The following ATP13A4 variants were observed in gnomAD, a reference collection of about 807,000 sequenced individuals.
The protein encoded by ATP13A4 is probable cation-transporting ATPase 13A4.
ATP13A4 carries 114 observed loss-of-function variants against 142.5 expected under a neutral mutation model. The observed-to-expected ratio is 0.80, with a 90% CI of 0.69 to 0.93. The LOEUF is 0.93. Among genes scored for constraint, ATP13A4 ranks in the 40% least tolerant of loss-of-function variants. The pLI, the probability that ATP13A4 is intolerant of heterozygous loss-of-function variation, is 0.00. For synonymous variants in ATP13A4, 488 were observed against 514.8 expected, an observed-to-expected ratio of 0.95 and a Z score of 0.70; for missense variants, 1,392 against 1,454.0, an observed-to-expected ratio of 0.96 and a Z score of 0.69.
At chr3:193,482,451 A>T (rs948728083) in intron 8 of ATP13A4, among the ~76,000 whole-genome samples, 1 of 152,222 alleles carries the variant, frequency 6.6e-6, no homozygotes, top group Non-Finnish European at 1.5e-5. Context: ...CTGCTCTTTG[A>T]AAAACACTGT....
At chr3:193,444,441 A>T (rs1489931) in intron 18 of ATP13A4, among the ~76,000 whole-genome samples, 1 of 152,194 alleles carries the variant, frequency 6.6e-6, no homozygotes, top group African/African-American at 2.4e-5. Flanking sequence ...CAACAACAAA[A>T]GCTACAGGGT....
At chr3:193,431,837 C>T (rs1463048063) in intron 25 of ATP13A4, among the ~76,000 whole-genome samples, 1 of 151,522 alleles carries the variant, frequency 6.6e-6, no homozygotes, top group Non-Finnish European at 1.5e-5. Context: ...TGGGGAGCAA[C>T]ATGTTAAACA....
chr3:193,514,162 T>C (rs1285098816), intron 2 of ATP13A4, among the ~76,000 whole-genome samples: 1 of 152,194 alleles, frequency 6.6e-6, no homozygotes, highest in Admixed American at 6.5e-5. Flanking sequence ...GGGGGTTTGT[T>C]GTATAGATTA....
intron 1 of ATP13A4, among the ~76,000 whole-genome samples, chr3:193,587,809 T>C (rs927256684): frequency 6.6e-6 from 1 of 152,010 alleles, no homozygotes; most frequent in Admixed American, 6.6e-5. Context: ...ATACAAAAAG[T>C]ATAAAAATTG....
At chr3:193,498,195 A>C (rs562751932) in intron 3 of ATP13A4, among the ~76,000 whole-genome samples, 1 of 152,314 alleles carries the variant, frequency 6.6e-6, no homozygotes, top group South Asian at 2.1e-4. Flanking sequence ...AATATGTACA[A>C]TTATTATTTG....
chr3:193,504,697 T>C (rs538743396), intron 2 of ATP13A4, among the ~76,000 whole-genome samples: 8 of 152,260 alleles, frequency 5.3e-5, no homozygotes, highest in Admixed American at 2.0e-4. Flanking sequence ...GAGCCTGAAC[T>C]GGAACTTCTA....
chr3:193,449,683 C>T (rs1435892834), intron 17 of ATP13A4, among the ~76,000 whole-genome samples: 3 of 152,212 alleles, frequency 2.0e-5, no homozygotes, highest in African/African-American at 7.2e-5. Context: ...TTAACCATCT[C>T]TAGACATTTG....
In ATP13A4 at chr3:193,407,331, A is replaced by C. The variant is rs776750472; in HGVS notation, c.3360T>G (p.Ile1120Met). ...SIVIMLSLNF[I>M]VSLVAEEAVI... ...CACTTACCTCGGCCACAAGGGACAC[A>C]ATGAAATTCAAGCTGAGCATGATGA... The change falls in exon 29 of 30, where the codon ATT becomes ATG. Residue 1120 changes from isoleucine (I) to methionine (M), a missense_variant. Ile to Met is a conservative substitution (Grantham distance 10). Coordinates refer to ENST00000342695, the MANE Select transcript of ATP13A4 (RefSeq NM_032279.4). 2.5e-5 allele frequency: 41 copies of C among 1,612,936 alleles called. No homozygotes were observed. The Admixed American group carries it at 6.3e-4, about 25-fold the overall frequency.
Position 193,433,904 on chromosome 3 carries a change from A to G in ATP13A4, c.2783T>C (p.Leu928Pro), listed in dbSNP as rs1434947853. The G allele has an allele frequency of 6.2e-7, 1 of 1,613,632 alleles. No homozygotes were observed. The highest frequency in any genetic ancestry group is 1.1e-5 in the South Asian group (1 of 91,070). Residue 928 changes from leucine to proline, a missense_variant, in exon 25 of 30, where the codon CTT (leucine) becomes CCT (proline). Transcript: ENST00000342695. The stretch of plus-strand genomic sequence containing the variant: ...CTGGAACAGAAACTGGTAATTTGAA[A>G]GGCTGTTTGTCTCCTGAAAATAAAA... ...VLLLYWETNS[L>P]SNYQFLFQDL...
At chr3:193,548,208 C>T (rs756591305) in intron 1 of ATP13A4, among the ~76,000 whole-genome samples, 2 of 152,148 alleles carry the variant, frequency 1.3e-5, no homozygotes, top group African/African-American at 2.4e-5. Flanking sequence ...TTAAATTACT[C>T]AAACCACTCC....
chr3:193,583,250 T>C (rs370103181), intron 1 of ATP13A4, among the ~76,000 whole-genome samples: 1 of 151,566 alleles, frequency 6.6e-6, no homozygotes, highest in Non-Finnish European at 1.5e-5. Context: ...CTGGCCAACG[T>C]GGCGAAACCC....
At position 193,437,103 on chromosome 3, in the gene ATP13A4, C is replaced by CAAAAA. The variant is rs1190025956; in HGVS notation, c.2673-1364_2673-1360dup. ...TGGGCGACAGAGTGAGACTCCGTCT[C>CAAAAA]AAAAAAAAAAAAAAAAAAACCTGAT... On this transcript the variant is annotated intron_variant, in intron 23 of 29. Transcript: ENST00000342695. Among the ~76,000 whole-genome samples, 489 of 62,810 alleles carry CAAAAA rather than the reference C, an allele frequency of 7.8e-3. 18 individuals are homozygous for CAAAAA. Among genetic ancestry groups the CAAAAA allele is most frequent in the African/African-American group, 0.032 (444 of 13,978 alleles). The allele number at this position is 62,810 out of a possible 152,430, so 41.2% of individuals were successfully genotyped here.
chr3:193,415,530 C>T (rs1715014451), intron 25 of ATP13A4, among the ~76,000 whole-genome samples: 1 of 152,176 alleles, frequency 6.6e-6, no homozygotes, highest in African/African-American at 2.4e-5. Flanking sequence ...TGAAGATAGC[C>T]TGCATTCCCA....
At chr3:193,519,157 G>A (rs1721579333) in intron 1 of ATP13A4, among the ~76,000 whole-genome samples, 2 of 152,120 alleles carry the variant, frequency 1.3e-5, no homozygotes, top group Admixed American at 1.3e-4. Context: ...AGATCTTTAG[G>A]TCCTAGTGCC....
At chr3:193,513,339 A>T (rs1721235660) in intron 2 of ATP13A4, among the ~76,000 whole-genome samples, 1 of 152,202 alleles carries the variant, frequency 6.6e-6, no homozygotes, top group Non-Finnish European at 1.5e-5. Flanking sequence ...AGAGATTGTA[A>T]TATATAAAAG....
intron 23 of ATP13A4, among the ~76,000 whole-genome samples, chr3:193,436,903 G>C (rs1363603501): frequency 7.1e-6 from 1 of 141,180 alleles, no homozygotes; most frequent in Non-Finnish European, 1.5e-5. Context: ...AGGAGATCGA[G>C]ACCATCCCGG....
intron 25 of ATP13A4, among the ~76,000 whole-genome samples, chr3:193,428,057 T>C (rs1715765170): frequency 6.6e-6 from 1 of 152,098 alleles, no homozygotes; most frequent in African/African-American, 2.4e-5. Context: ...AAAGGGCTAA[T>C]ATCCAGAATC....
chr3:193,553,309 T>G (rs1723694717), intron 1 of ATP13A4: 1 of 152,210 alleles, frequency 6.6e-6, no homozygotes, highest in African/African-American at 2.4e-5. Context: ...CCTACAACCA[T>G]GAATGTCTTC....
intron 9 of ATP13A4, among the ~76,000 whole-genome samples, chr3:193,470,207 G>A (rs1296673506): frequency 1.6e-4 from 25 of 152,192 alleles, no homozygotes. Context: ...CCACGTGAGT[G>A]AGAAATCAAG....
Sources: gnomAD v4.1 joint callset for allele counts (sites outside exome capture counted in the v4.1 genomes callset) on GRCh38, gnomAD v4.1.1 for gene constraint, MANE v1.5 for transcripts, NCBI Gene and HGNC (gene_info 2026-07-23, HGNC 2026-07-21) for gene names.